MAJIN: variants seen among roughly 807,000 people sequenced by gnomAD.
MAJIN encodes the protein membrane-anchored junction protein.
Under a neutral mutation model 30.2 loss-of-function variants are expected in MAJIN, and 27 were observed. The ratio of observed to expected loss-of-function variants is 0.89; its 90% confidence interval spans 0.66 to 1.23. The LOEUF (loss-of-function observed/expected upper bound fraction) is 1.23. Ranked by LOEUF, MAJIN falls within the 50% of genes most tolerant of loss-of-function variation. MAJIN has a pLI of 0.00. For missense variants in MAJIN, 253 were observed against 260.3 expected, an observed-to-expected ratio of 0.97 and a Z score of 0.19; for synonymous variants, 78 against 91.6, an observed-to-expected ratio of 0.85 and a Z score of 0.85.
At chr11:64,949,907 A>G in intron 5 of MAJIN, 39 bp from the exon 6 acceptor site, 1 of 1,594,784 alleles carries the variant, frequency 6.3e-7, no homozygotes, top group Non-Finnish European at 8.5e-7. Context: ...AGATGCCAGT[A>G]TGCATTCCTA....
At chr11:64,950,812 G>C (rs1200713442) in intron 4 of MAJIN, among the ~76,000 whole-genome samples, 3 of 152,018 alleles carry the variant, frequency 2.0e-5, no homozygotes, top group African/African-American at 7.2e-5. Flanking sequence ...GAACTCCTGG[G>C]CTCAAGTGCT....
chr11:64,965,014 T>C (rs938754964), intron 1 of MAJIN, among the ~76,000 whole-genome samples: 1 of 152,236 alleles, frequency 6.6e-6, no homozygotes, highest in Non-Finnish European at 1.5e-5. Flanking sequence ...TTAGGATGAT[T>C]AGTGAAATAA....
chr11:64,941,337 A>T (rs1014189285), intron 8 of MAJIN, among the ~76,000 whole-genome samples: 1 of 152,172 alleles, frequency 6.6e-6, no homozygotes, highest in Non-Finnish European at 1.5e-5. Flanking sequence ...TAATCTATGG[A>T]GCAAAATGGA....
At chr11:64,950,520 A>G (rs1945535635) in intron 4 of MAJIN, 90 bp from the exon 5 acceptor site, 2 of 1,029,970 alleles carry the variant, frequency 1.9e-6, no homozygotes, top group African/African-American at 1.6e-5. Flanking sequence ...TACCCTATAC[A>G]CTATCAAAAC....
At chr11:64,946,683 G>A (rs986670680) in intron 8 of MAJIN, among the ~76,000 whole-genome samples, 2 of 152,150 alleles carry the variant, frequency 1.3e-5, no homozygotes, top group African/African-American at 4.8e-5. Context: ...TAGGGTGGAA[G>A]CATCTTGGGC....
intron 10 of MAJIN, among the ~76,000 whole-genome samples, chr11:64,939,143 C>T (rs1408386239): frequency 6.6e-6 from 1 of 152,110 alleles, no homozygotes; most frequent in African/African-American, 2.4e-5. Context: ...CAACCTCTAC[C>T]TCTCAGGTTC....
At chr11:64,966,708 C>T (rs946534075) in intron 1 of MAJIN, among the ~76,000 whole-genome samples, 3 of 150,688 alleles carry the variant, frequency 2.0e-5, no homozygotes, top group African/African-American at 4.9e-5. Flanking sequence ...CCAAGGCAGG[C>T]GGATCACTTG....
intron 3 of MAJIN, among the ~76,000 whole-genome samples, chr11:64,959,077 G>A (rs1360150372): frequency 7.0e-6 from 1 of 143,738 alleles, no homozygotes; most frequent in Non-Finnish European, 1.5e-5. Context: ...ACAACATAGC[G>A]AGATCTGCTT....
intron 8 of MAJIN, among the ~76,000 whole-genome samples, chr11:64,942,133 C>G (rs1267368401): frequency 6.6e-6 from 1 of 152,114 alleles, no homozygotes; most frequent in Non-Finnish European, 1.5e-5. Context: ...GAATCTCTGC[C>G]ACTGGCTACT....
chr11:64,956,483 C>T lies in MAJIN; in HGVS notation c.102-1681G>A, dbSNP rs553909808. Among the ~76,000 whole-genome samples, 21 of 151,842 alleles carry T rather than the reference C, an allele frequency of 1.4e-4. No individual in the cohort carries two copies. The South Asian group carries it at 3.3e-3, about 24-fold the overall frequency. ...CAGCTTGGGTGACAAGAGTGAAACA[C>T]GGTCTCAAAACAAAACAAAAACAAA... On this transcript the variant is annotated intron_variant, in intron 3 of 10. Transcript: ENST00000301896.
intron 1 of MAJIN, among the ~76,000 whole-genome samples, chr11:64,968,490 G>C (rs890823078): frequency 4.0e-5 from 6 of 151,618 alleles, no homozygotes; most frequent in African/African-American, 1.5e-4. Flanking sequence ...TCGAACTCCG[G>C]AGCTCAAGTG....
chr11:64,946,759 A>C (rs1473751515), intron 8 of MAJIN, among the ~76,000 whole-genome samples: 1 of 152,194 alleles, frequency 6.6e-6, no homozygotes, highest in Non-Finnish European at 1.5e-5. Flanking sequence ...GGTGCTAATA[A>C]GAATGACTGA....
chr11:64,948,590 G>C (rs1320197162), intron 6 of MAJIN, among the ~76,000 whole-genome samples: 1 of 86,662 alleles, frequency 1.2e-5, no homozygotes, highest in African/African-American at 4.4e-5. Context: ...CCACCACCAT[G>C]TCGGGCTACA....
At chr11:64,941,999 G>T (rs570401691) in intron 8 of MAJIN, among the ~76,000 whole-genome samples, 1 of 152,320 alleles carries the variant, frequency 6.6e-6, no homozygotes, top group South Asian at 2.1e-4. Flanking sequence ...TTCTCCATGT[G>T]CTGCTGCTTT....
intron 3 of MAJIN, among the ~76,000 whole-genome samples, chr11:64,956,728 G>T (rs1945638438): frequency 6.9e-6 from 1 of 144,788 alleles, no homozygotes; most frequent in African/African-American, 2.6e-5. Flanking sequence ...TACTAATATA[G>T]TCCTACCTTT....
At chr11:64,954,920 AC>A in intron 3 of MAJIN, 118 bp from the exon 4 acceptor site, 2 of 913,338 alleles carry the variant, frequency 2.2e-6, no homozygotes, top group Non-Finnish European at 3.3e-6. Flanking sequence ...CATAAGTAAA[AC>A]TGTGTAAGCT....
At chr11:64,941,864 G>C (rs545958536) in intron 8 of MAJIN, among the ~76,000 whole-genome samples, 1 of 152,146 alleles carries the variant, frequency 6.6e-6, no homozygotes, top group South Asian at 2.1e-4. Context: ...GGGCATTCCA[G>C]ACAGGGACAT....
At chr11:64,963,498 TCA>T (rs1353422896) in intron 1 of MAJIN, among the ~76,000 whole-genome samples, 2 of 152,174 alleles carry the variant, frequency 1.3e-5, no homozygotes, top group Non-Finnish European at 2.9e-5. Context: ...ATAAAGTCTT[TCA>T]CAGTGTTGAG....
intron 8 of MAJIN, among the ~76,000 whole-genome samples, chr11:64,942,051 T>A (rs918204019): frequency 6.6e-6 from 1 of 152,198 alleles, no homozygotes; most frequent in Non-Finnish European, 1.5e-5. Context: ...TTTTACAACC[T>A]GATTCCAGGC....
Sources: allele counts gnomAD v4.1 joint callset (sites outside exome capture counted in the v4.1 genomes callset), GRCh38; gene constraint gnomAD v4.1.1; transcripts MANE v1.5; gene names NCBI Gene and HGNC (gene_info 2026-07-23, HGNC 2026-07-21).